The following ZNF236 variants were observed in gnomAD, a reference collection of about 807,000 sequenced individuals.
The protein encoded by ZNF236 is zinc finger protein 236, also known as regulated by glucose.
ZNF236 carries 50 observed loss-of-function variants against 191.2 expected under a neutral mutation model. The observed-to-expected ratio is 0.26, with a 90% CI of 0.21 to 0.33. The LOEUF (loss-of-function observed/expected upper bound fraction) is 0.33. Among genes scored for constraint, ZNF236 ranks in the 10% least tolerant of loss-of-function variants. The pLI is 1.00. For synonymous variants in ZNF236, 907 were observed against 928.8 expected (o/e 0.98, Z 0.43); for missense variants, 1,754 against 2,374.5 (o/e 0.74, Z 5.43).
rs554351271 is a variant in ZNF236, at chr18:76,881,370, C to T, written c.1275C>T (p.His425=). Residue 425 remains histidine, a synonymous_variant, in exon 9 of 31, where the codon CAC becomes CAT. Coordinates refer to ENST00000320610, the MANE Select transcript of ZNF236 (RefSeq NM_001306089.2). ...DSCHAKTSAP[H]AQNPDVSSVS... ...GCCATGCCAAGACCTCTGCACCACA[C>T]GCTCAAAACCCAGATGTTTCCAGCG... 1.1e-4 allele frequency: 181 copies of T among 1,614,106 alleles called. No homozygotes were observed. Among genetic ancestry groups the T allele is most frequent in the South Asian group, 5.1e-4 (46 of 91,072 alleles).
At chr18:76,896,200 C>T (rs1977403052) in intron 10 of ZNF236, among the ~76,000 whole-genome samples, 2 of 151,698 alleles carry the variant, frequency 1.3e-5, no homozygotes, top group Admixed American at 1.3e-4. Flanking sequence ...ACAGGTACTA[C>T]ACACAGGCAC....
intron 10 of ZNF236, among the ~76,000 whole-genome samples, chr18:76,897,074 C>T (rs1423970443): frequency 6.6e-6 from 1 of 151,230 alleles, no homozygotes; most frequent in Non-Finnish European, 1.5e-5. Context: ...CATGGTGCTG[C>T]AGACAGGTAC....
chr18:76,937,461 G>A, intron 26 of ZNF236, 118 bp downstream of exon 26: 9 of 993,270 alleles, frequency 9.1e-6, no homozygotes, highest in Non-Finnish European at 1.1e-5. Context: ...CAAAATCGAA[G>A]CATTTTTTTT....
intron 22 of ZNF236, among the ~76,000 whole-genome samples, chr18:76,926,357 A>G (rs2122834344): frequency 6.6e-6 from 1 of 152,190 alleles, no homozygotes; most frequent in African/African-American, 2.4e-5. Flanking sequence ...TAGACAGTGT[A>G]TGCGTATGGC....
rs968434266 is a variant in ZNF236, at chr18:76,903,898, C to T, written c.1895-482C>T. 5.0e-4 allele frequency among the ~76,000 whole-genome samples: 75 copies of T among 148,788 alleles called. 1 individual carries two copies. Among genetic ancestry groups the T allele is most frequent in the African/African-American group, 7.0e-4 (28 of 40,152 alleles). ...AGAACAAAAGATCATGTTAGAGTCA[C>T]TTTTGTTTTCAGTTTATTATAGTAT... On this transcript the variant is annotated intron_variant, in intron 11 of 30. Coordinates refer to ENST00000320610, the MANE Select transcript of ZNF236 (RefSeq NM_001306089.2).
intron 27 of ZNF236, among the ~76,000 whole-genome samples, 185 bp downstream of exon 27, chr18:76,947,837 G>A (rs1968302643): frequency 6.6e-6 from 1 of 152,122 alleles, no homozygotes; most frequent in African/African-American, 2.4e-5. Context: ...TGAATGACAG[G>A]TACGATATCT....
intron 28 of ZNF236, among the ~76,000 whole-genome samples, chr18:76,956,393 A>T (rs1968526544): frequency 6.6e-6 from 1 of 152,218 alleles, no homozygotes; most frequent in Non-Finnish European, 1.5e-5. Flanking sequence ...GCAACTCACA[A>T]TCAATTTGCA....
rs572891046 is a variant in ZNF236 at position 76,857,302 on chromosome 18, A to G, written c.363+5363A>G. Among the ~76,000 whole-genome samples, 5 of 149,072 alleles carry G rather than the reference A, an allele frequency of 3.4e-5. No homozygotes were observed. In the South Asian group the frequency reaches 1.1e-3, roughly 32 times the overall value. On this transcript the variant is annotated intron_variant, in intron 3 of 30. Coordinates refer to ENST00000320610, the MANE Select transcript of ZNF236 (RefSeq NM_001306089.2). ...AGCCGTCTGCTCAGCCAGGACCCCC[A>G]TGGTCTTCCTGTCCAACAGCCCTCA...
intron 26 of ZNF236, among the ~76,000 whole-genome samples, chr18:76,946,896 C>T (rs1195314613): frequency 1.3e-5 from 2 of 152,100 alleles, no homozygotes; most frequent in South Asian, 2.1e-4. Context: ...TATAAGTTCA[C>T]CTAATTATTT....
At chr18:76,863,183 T>C (rs1248084048) in intron 3 of ZNF236, among the ~76,000 whole-genome samples, 1 of 151,984 alleles carries the variant, frequency 6.6e-6, no homozygotes, top group Non-Finnish European at 1.5e-5. Context: ...ATAGAAAAAT[T>C]AACAGGGCCT....
intron 30 of ZNF236, among the ~76,000 whole-genome samples, chr18:76,962,587 T>G (rs1020223884): frequency 1.3e-5 from 2 of 152,256 alleles, no homozygotes; most frequent in African/African-American, 2.4e-5. Context: ...TTTCTAATTC[T>G]GTGAAGAATG....
At chr18:76,894,949 G>A in intron 9 of ZNF236, 64 bp from the exon 10 acceptor site, 1 of 1,575,490 alleles carries the variant, frequency 6.3e-7, no homozygotes, top group Non-Finnish European at 8.6e-7. Flanking sequence ...GACCACAGGG[G>A]GTCCTGGACC....
rs1428778709 is a variant in ZNF236 at position 76,910,781 on chromosome 18, G to A, written c.2775G>A (p.Leu925=). The A allele has an allele frequency of 6.2e-7, 1 of 1,614,172 alleles. No homozygotes were observed. ...CAAGCTTCCACCAGCAGAGCTTGCT[G>A]CAGGCTCCCAGCTCTGATGGGATGA... ...LSTSFHQQSL[L]QAPSSDGMNV... Residue 925 remains leucine, a synonymous_variant, in exon 16 of 31, where the codon CTG becomes CTA. Transcript: ENST00000320610.
At chr18:76,942,749 C>T (rs548162016) in intron 26 of ZNF236, among the ~76,000 whole-genome samples, 1 of 150,356 alleles carries the variant, frequency 6.7e-6, no homozygotes, top group Non-Finnish European at 1.5e-5. Flanking sequence ...CTCCTGACCT[C>T]GTGATCCGCC....
intron 30 of ZNF236, among the ~76,000 whole-genome samples, chr18:76,965,376 C>T (rs569567519): frequency 6.6e-6 from 1 of 152,206 alleles, no homozygotes; most frequent in Admixed American, 6.5e-5. Context: ...TTCCTGAATT[C>T]TTTTTCAGGT....
At chr18:76,911,856 A>T (rs963285958) in intron 16 of ZNF236, among the ~76,000 whole-genome samples, 1 of 152,164 alleles carries the variant, frequency 6.6e-6, no homozygotes, top group African/African-American at 2.4e-5. Context: ...GATGGAGAGC[A>T]TGTCTTTCTC....
At position 76,880,208 on chromosome 18, in the gene ZNF236, C is replaced by G. The variant is rs770686933; in HGVS notation, c.1080C>G (p.Ile360Met). 6.2e-7 allele frequency: 1 copy of G among 1,614,162 alleles called. No individual in the cohort carries two copies. Among genetic ancestry groups the G allele is most frequent in the Non-Finnish European group, 8.5e-7 (1 of 1,180,012 alleles). The change falls in exon 8 of 31, where the codon ATC becomes ATG. Residue 360 changes from isoleucine to methionine, a missense_variant. Around this residue, in one of 5 missense-constraint regions of ZNF236, gnomAD observed 336 missense variants for 495.1 expected, o/e 0.68. Transcript: ENST00000320610. The surrounding 1 kb of genome is among the most constrained non-coding windows in gnomAD (Gnocchi z 5.0). Reference protein sequence around the residue: ...QPSSQAVSDVIQQLLELSEPA... With the variant: ...QPSSQAVSDVMQQLLELSEPA... The stretch of plus-strand genomic sequence containing the variant: ...GCTCCCAGGCGGTGAGCGACGTCAT[C>G]CAGCAGCTCCTGGAGCTCTCAGAGC...
At chr18:76,876,174 A>G (rs970860114) in intron 6 of ZNF236, among the ~76,000 whole-genome samples, 1 of 152,106 alleles carries the variant, frequency 6.6e-6, no homozygotes, top group African/African-American at 2.4e-5. Context: ...TCCTGTGGTA[A>G]TTTTCTGTTG....
Position 76,927,230 on chromosome 18 carries a change from C to G in ZNF236, c.4174-47C>G. 1 of 1,611,692 alleles carries G rather than the reference C, an allele frequency of 6.2e-7. No individual in the cohort carries two copies. The highest frequency in any genetic ancestry group is 1.1e-5 in the South Asian group (1 of 91,028). ...CTGTGCTGTAATTCTCTTGGCATCACAGAGAAGCATGAAGTTTTCATTACA... is the reference window on the plus strand; with the variant it reads ...CTGTGCTGTAATTCTCTTGGCATCAGAGAGAAGCATGAAGTTTTCATTACA... On this transcript the variant is annotated intron_variant, in intron 23 of 30. Transcript: ENST00000320610. This position sits in a 1 kb window ranked among gnomAD's most constrained non-coding sequence, Gnocchi z 5.4.
Sources: gnomAD v4.1 joint callset for allele counts (sites outside exome capture counted in the v4.1 genomes callset) on GRCh38, gnomAD v4.1.1 for gene constraint, gnomAD v4.1.1 regional missense constraint, Gnocchi (gnomAD v3.1) non-coding constraint, MANE v1.5 for transcripts, NCBI Gene and HGNC (gene_info 2026-07-23, HGNC 2026-07-21) for gene names.